Variants in CHRNB3 observed in about 807,000 individuals in gnomAD.
The protein encoded by CHRNB3 is cholinergic receptor nicotinic beta 3 subunit.
Under a neutral mutation model 40.6 loss-of-function variants are expected in CHRNB3, and 37 were observed. The observed-to-expected ratio is 0.91, with a 90% CI of 0.70 to 1.20. The LOEUF (loss-of-function observed/expected upper bound fraction) is 1.20, where lower values mean the gene tolerates loss of function less well. CHRNB3 is among the 50% of genes most tolerant of loss of function. CHRNB3 has a pLI of 0.00. For synonymous variants in CHRNB3, 207 were observed against 207.1 expected (o/e 1.00, Z 0.00); for missense variants, 505 against 551.2 (o/e 0.92, Z 0.84).
intron 3 of CHRNB3, among the ~76,000 whole-genome samples, chr8:42,711,238 T>C (rs944102726): frequency 1.3e-5 from 2 of 151,926 alleles, no homozygotes; most frequent in Admixed American, 6.6e-5. Flanking sequence ...TGAACCCAGG[T>C]GGCAGAGGCT....
rs529548168 is a variant in CHRNB3 at position 42,697,445 on chromosome 8, C to T, written c.-102C>T. 232 of 964,956 alleles carry T rather than the reference C, an allele frequency of 2.4e-4. 1 individual carries two copies. Among genetic ancestry groups the T allele is most frequent in the South Asian group, 1.9e-3 (138 of 74,424 alleles). 59.8% of individuals were successfully genotyped at this position (964,956 alleles called of 1,614,324 possible). A position where few individuals can be genotyped will look rare whatever the true frequency, so the allele number is the denominator to read the frequency against. On this transcript the variant is annotated 5_prime_UTR_variant, in exon 1 of 6. Coordinates refer to ENST00000289957, the MANE Select transcript of CHRNB3 (RefSeq NM_000749.5). ...GTTGCTGTCCTCTTGGGTTCCACTT[C>T]GGATTTTGAACCCCTGTATTTTCTT...
At chr8:42,731,490 G>T (rs1816416924) in intron 4 of CHRNB3, among the ~76,000 whole-genome samples, 177 bp from the exon 5 acceptor site, 2 of 152,192 alleles carry the variant, frequency 1.3e-5, no homozygotes, top group Admixed American at 1.3e-4. Flanking sequence ...GGGAGGCGGA[G>T]GTTGCAGTGA....
At chr8:42,703,422 TAAAAAAAAAA>T (rs1202825994) in intron 1 of CHRNB3, among the ~76,000 whole-genome samples, 9 of 26,464 alleles carry the variant, frequency 3.4e-4, no homozygotes, top group African/African-American at 5.3e-4. Flanking sequence ...AGACTTCGTC[TAAAAAAAAAA>T]AAAATATTTA....
chr8:42,725,956 C>A, intron 3 of CHRNB3: 5 of 1,101,070 alleles, frequency 4.5e-6, no homozygotes, highest in Non-Finnish European at 5.5e-6. Flanking sequence ...CCTTTCGATG[C>A]GTACAACAAA....
intron 2 of CHRNB3, among the ~76,000 whole-genome samples, chr8:42,709,381 C>T (rs796779155): frequency 6.7e-6 from 1 of 149,710 alleles, no homozygotes; most frequent in African/African-American, 2.6e-5. Flanking sequence ...TTTGAGCTTG[C>T]CTTTCTGTCA....
Position 42,730,618 on chromosome 8 carries a change from T to C in CHRNB3, c.274T>C (p.Trp92Arg), listed in dbSNP as rs374984781. 1.0e-5 allele frequency: 16 copies of C among 1,606,210 alleles called. No homozygotes were observed. The highest frequency in any genetic ancestry group is 5.4e-5 in the African/African-American group (4 of 74,618). The change falls in exon 4 of 6, where the codon TGG becomes CGG. Residue 92 changes from tryptophan (W) to arginine (R), a missense_variant. Transcript: ENST00000289957. ...KQEWTDHKLR[W>R]NPDDYGGIHS... ...GGAATGGACAGACCACAAGTTACGC[T>C]GGAATCCTGATGATTATGGTGGGAT... is the stretch of plus-strand genomic sequence containing the variant.
intron 3 of CHRNB3, among the ~76,000 whole-genome samples, chr8:42,716,753 T>A (rs1330487428): frequency 6.6e-6 from 1 of 151,950 alleles, no homozygotes; most frequent in Non-Finnish European, 1.5e-5. Context: ...TTTAGCTAGT[T>A]CTCAATCTGG....
chr8:42,703,214 G>A (rs550736997), intron 1 of CHRNB3, among the ~76,000 whole-genome samples: 2 of 151,548 alleles, frequency 1.3e-5, no homozygotes, highest in South Asian at 4.2e-4. Context: ...ACTTGAGGTC[G>A]GGAGTTCAAG....
rs192305149 is a variant in CHRNB3 at position 42,727,680 on chromosome 8, T to C, written c.250-2914T>C. 1.8e-4 allele frequency among the ~76,000 whole-genome samples: 28 copies of C among 152,184 alleles called. No individual in the cohort carries two copies. The East Asian group carries it at 5.0e-3, about 27-fold the overall frequency. On this transcript the variant is annotated intron_variant, in intron 3 of 5. Coordinates refer to ENST00000289957, the MANE Select transcript of CHRNB3 (RefSeq NM_000749.5). ...GAGATCGAGACCATCCTGGCCAACA[T>C]GGTGAAACCCCATCTCTACTAAAAA...
At position 42,711,713 on chromosome 8, in the gene CHRNB3, G is replaced by A. The variant is rs149967436; in HGVS notation, c.249+1279G>A. On this transcript the variant is annotated intron_variant, in intron 3 of 5. Coordinates refer to ENST00000289957, the MANE Select transcript of CHRNB3 (RefSeq NM_000749.5). The stretch of plus-strand genomic sequence containing the variant: ...TGTATTTATTTATTTTTTAGATTCA[G>A]GAGTTACATGTGCAGGTTTGTTTCA... 2.4e-3 allele frequency among the ~76,000 whole-genome samples: 364 copies of A among 152,234 alleles called. 2 individuals are homozygous for A. The highest frequency in any genetic ancestry group is 8.5e-3 in the African/African-American group (352 of 41,548).
rs1480919711 is a variant in CHRNB3 at position 42,703,447 on chromosome 8, T to A, written c.53-5270T>A. On this transcript the variant is annotated intron_variant, in intron 1 of 5. Coordinates refer to ENST00000289957, the MANE Select transcript of CHRNB3 (RefSeq NM_000749.5). ...TAAAAAAAAAAAAAATATTTATATA[T>A]ATATATATATATATGTATCCACAAT... 1.9e-3 allele frequency among the ~76,000 whole-genome samples: 177 copies of A among 93,004 alleles called. 16 individuals are homozygous for A. Among genetic ancestry groups the A allele is most frequent in the South Asian group, 5.1e-3 (12 of 2,334 alleles). The allele number at this position is 93,004 out of a possible 152,430, so 61.0% of individuals were successfully genotyped here. A position where few individuals can be genotyped will look rare whatever the true frequency, so the allele number is the denominator to read the frequency against.
intron 1 of CHRNB3, among the ~76,000 whole-genome samples, chr8:42,698,917 A>C (rs1279871559): frequency 6.6e-6 from 1 of 152,232 alleles, no homozygotes; most frequent in Non-Finnish European, 1.5e-5. Context: ...TCATGATTAC[A>C]TAAGAAAACT....
At chr8:42,736,423 A>C in intron 5 of CHRNB3, 61 bp from the exon 6 acceptor site, 1 of 1,576,032 alleles carries the variant, frequency 6.3e-7, no homozygotes, top group Non-Finnish European at 8.6e-7. Flanking sequence ...TAATCCCTTG[A>C]GATGAATACA....
At chr8:42,723,500 G>A (rs1038621881) in intron 3 of CHRNB3, among the ~76,000 whole-genome samples, 1 of 152,162 alleles carries the variant, frequency 6.6e-6, no homozygotes, top group Non-Finnish European at 1.5e-5. Context: ...TAAGCTACAG[G>A]TTTTCCCACT....
At chr8:42,708,333 G>A (rs1369552050) in intron 1 of CHRNB3, among the ~76,000 whole-genome samples, 1 of 152,114 alleles carries the variant, frequency 6.6e-6, no homozygotes, top group Non-Finnish European at 1.5e-5. Flanking sequence ...GGGTGTGGTG[G>A]CAGGCACCTG....
chr8:42,704,184 C>T (rs1440540026), intron 1 of CHRNB3, among the ~76,000 whole-genome samples: 1 of 152,206 alleles, frequency 6.6e-6, no homozygotes, highest in Non-Finnish European at 1.5e-5. Context: ...AAACAGCTGC[C>T]TTCTTGCTGT....
chr8:42,730,322 C>T (rs769575283), intron 3 of CHRNB3, among the ~76,000 whole-genome samples: 2 of 152,048 alleles, frequency 1.3e-5, no homozygotes, highest in African/African-American at 2.4e-5. Flanking sequence ...GAATTAGTGG[C>T]GTTTGTTGTA....
chr8:42,732,016 ACCCT>A lies in CHRNB3; in HGVS notation c.711_714del (p.Leu238PhefsTer12). ...CCTGAGACGCCTGCCTTTATTCTAT[ACCCT>A]CTTTCTCATCATCCCCTGCCTGGGG... On this transcript the variant is annotated frameshift_variant, in exon 5 of 6. Transcript: ENST00000289957. LOFTEE classifies it high-confidence loss of function. 3 of 1,613,872 alleles carry A rather than the reference ACCCT, an allele frequency of 1.9e-6. No individual in the cohort carries two copies. Among genetic ancestry groups the A allele is most frequent in the Non-Finnish European group, 2.5e-6 (3 of 1,179,978 alleles).
rs184568654 is a variant in CHRNB3, at chr8:42,702,505, C to T, written c.52+4907C>T. Among the ~76,000 whole-genome samples the T allele has an allele frequency of 1.2e-3, 183 of 152,238 alleles. 4 individuals carry two copies. Among genetic ancestry groups the T allele is most frequent in the Middle Eastern group, 6.8e-3 (2 of 294 alleles). ...CAAGGAGGCCAGGCACGATGGCTCA[C>T]GCCTGTAAACCCAGCACTTTGGGAG... On this transcript the variant is annotated intron_variant, in intron 1 of 5. Coordinates refer to ENST00000289957, the MANE Select transcript of CHRNB3 (RefSeq NM_000749.5).
Sources: gnomAD v4.1 joint callset for allele counts (sites outside exome capture counted in the v4.1 genomes callset) on GRCh38, gnomAD v4.1.1 for gene constraint, MANE v1.5 for transcripts, NCBI Gene and HGNC (gene_info 2026-07-23, HGNC 2026-07-21) for gene names.